Variants in PSD3 observed in about 807,000 individuals in gnomAD.
PSD3 encodes the protein pleckstrin and Sec7 domain containing 3.
A neutral mutation model predicts 105.5 loss-of-function variants in PSD3; 49 were observed. The ratio of observed to expected loss-of-function variants is 0.46; its 90% CI spans 0.37 to 0.59. The LOEUF is 0.59. Ranked by LOEUF, PSD3 falls within the 20% of genes least tolerant of loss-of-function variation. The pLI, the probability that PSD3 is intolerant of heterozygous loss-of-function variation, is 0.00. For synonymous variants in PSD3, 557 were observed against 457.8 expected (o/e 1.22, Z -2.77); for missense variants, 1,561 against 1,263.8 (o/e 1.24, Z -3.57).
intron 8 of PSD3, among the ~76,000 whole-genome samples, chr8:18,793,375 A>AG (rs1314226570): frequency 6.6e-6 from 1 of 151,022 alleles, no homozygotes; most frequent in Non-Finnish European, 1.5e-5. Flanking sequence ...CAAAATAGAA[A>AG]AAAAAAACAA....
intron 1 of PSD3, among the ~76,000 whole-genome samples, chr8:18,965,865 TA>T (rs376933250): frequency 1.9e-4 from 29 of 152,346 alleles, no homozygotes; most frequent in African/African-American, 6.5e-4. Flanking sequence ...AACAGCAGCG[TA>T]AATGCCAGGC....
At chr8:18,902,723 G>C (rs1237105236) in intron 2 of PSD3, among the ~76,000 whole-genome samples, 3 of 152,196 alleles carry the variant, frequency 2.0e-5, no homozygotes, top group African/African-American at 7.2e-5. Flanking sequence ...TGTGGTAACT[G>C]TTTCCAGACA....
intron 8 of PSD3, among the ~76,000 whole-genome samples, chr8:18,788,924 TGGGGGGC>T (rs1415484089): frequency 1.1e-4 from 16 of 152,148 alleles, no homozygotes; most frequent in African/African-American, 3.6e-4. Context: ...AATGTATGAC[TGGGGGGC>T]AAAGGAGGAC....
intron 1 of PSD3, among the ~76,000 whole-genome samples, chr8:19,023,482 G>T (rs1176230320): frequency 6.6e-6 from 1 of 151,446 alleles, no homozygotes; most frequent in Non-Finnish European, 1.5e-5. Context: ...AGGCTGTAGG[G>T]CTGTGGTGCA....
At chr8:18,710,179 C>T (rs1339761485) in intron 9 of PSD3, among the ~76,000 whole-genome samples, 1 of 152,078 alleles carries the variant, frequency 6.6e-6, no homozygotes, top group African/African-American at 2.4e-5. Context: ...ACACACAACA[C>T]GAGAACTTCA....
intron 1 of PSD3, among the ~76,000 whole-genome samples, chr8:18,939,558 G>A (rs1822387763): frequency 6.8e-6 from 1 of 148,048 alleles, no homozygotes; most frequent in African/African-American, 2.5e-5. Flanking sequence ...ATGTTGCTCT[G>A]ACTGGACTCA....
At chr8:19,022,302 A>T (rs1398124875) in intron 1 of PSD3, among the ~76,000 whole-genome samples, 1 of 152,194 alleles carries the variant, frequency 6.6e-6, no homozygotes, top group East Asian at 1.9e-4. Context: ...AAACCATATT[A>T]AGTGGGGTCC....
Position 18,535,692 on chromosome 8 carries a change from G to C in PSD3, c.*51C>G, listed in dbSNP as rs777375330. On this transcript the variant is annotated 3_prime_UTR_variant, in exon 16 of 16. Transcript: ENST00000327040. ...ATTCACGGATTACCAGAAAGATCTT[G>C]AAAAACCCTATTTTGCTCCATGACC... 12 of 1,429,824 alleles carry C rather than the reference G, an allele frequency of 8.4e-6. No individual in the cohort carries two copies. Among genetic ancestry groups the C allele is most frequent in the Non-Finnish European group, 1.1e-5 (11 of 1,016,320 alleles). The allele number at this position is 1,429,824 out of a possible 1,614,324, so 88.6% of individuals were successfully genotyped here.
intron 4 of PSD3, among the ~76,000 whole-genome samples, chr8:18,846,049 A>G (rs1213573663): frequency 6.6e-6 from 1 of 152,212 alleles, no homozygotes; most frequent in Non-Finnish European, 1.5e-5. Context: ...GATGGGATGT[A>G]TATTAAATGC....
At chr8:18,640,618 C>G (rs1227502814) in intron 10 of PSD3, among the ~76,000 whole-genome samples, 1 of 152,200 alleles carries the variant, frequency 6.6e-6, no homozygotes, top group Non-Finnish European at 1.5e-5. Context: ...TTTCCTGAGG[C>G]CTTCCCACCT....
chr8:18,914,320 G>C (rs1397994364), intron 2 of PSD3, among the ~76,000 whole-genome samples: 1 of 152,074 alleles, frequency 6.6e-6, no homozygotes, highest in African/African-American at 2.4e-5. Context: ...AGGCAAGGAT[G>C]CCCACTCTCA....
intron 1 of PSD3, among the ~76,000 whole-genome samples, chr8:19,051,392 G>C (rs934508185): frequency 6.6e-6 from 1 of 151,916 alleles, no homozygotes; most frequent in Non-Finnish European, 1.5e-5. Context: ...ATACTTATTC[G>C]TGTTATCAAA....
rs554363599 is a variant in PSD3 at position 18,893,277 on chromosome 8, G to C, written c.131-20544C>G. Among the ~76,000 whole-genome samples, 260 of 152,210 alleles carry C rather than the reference G, an allele frequency of 1.7e-3. 1 individual carries two copies. Among genetic ancestry groups the C allele is most frequent in the African/African-American group, 5.7e-3 (238 of 41,514 alleles). On this transcript the variant is annotated intron_variant, in intron 2 of 15. Coordinates refer to ENST00000327040, the MANE Select transcript of PSD3 (RefSeq NM_015310.4). ...GGATGGGCTTAAGGGGCTGACCTGAGGGGGTTTATATAATATACCTCCAAA... is the reference window on the plus strand; with the variant it reads ...GGATGGGCTTAAGGGGCTGACCTGACGGGGTTTATATAATATACCTCCAAA...
intron 11 of PSD3, among the ~76,000 whole-genome samples, chr8:18,603,162 C>T (rs1585358306): frequency 6.6e-6 from 1 of 152,202 alleles, no homozygotes; most frequent in African/African-American, 2.4e-5. Flanking sequence ...CCCATCTTTT[C>T]ACTGCAGTTT....
intron 14 of PSD3, among the ~76,000 whole-genome samples, chr8:18,571,124 G>T (rs7832186): frequency 0.48 from 72,709 of 151,818 alleles, 18,828 homozygotes; most frequent in Non-Finnish European, 0.59. Flanking sequence ...GCTTCCAAAA[G>T]TGCTGGGATT....
chr8:18,923,659 C>A (rs1389532248), intron 2 of PSD3, among the ~76,000 whole-genome samples: 1 of 152,168 alleles, frequency 6.6e-6, no homozygotes, highest in African/African-American at 2.4e-5. Flanking sequence ...CCTAGGTGTG[C>A]AGTAGGTATA....
intron 9 of PSD3, among the ~76,000 whole-genome samples, chr8:18,695,284 AC>A (rs5889818): frequency 0.9 from 136,325 of 152,162 alleles, 61,631 homozygotes; most frequent in Middle Eastern, 0.96. Flanking sequence ...AACTGCAGAC[AC>A]AACAGTCATT....
Position 18,762,483 on chromosome 8 carries a change from C to T in PSD3, c.2172+2966G>A, listed in dbSNP as rs1445246500. 4.6e-5 allele frequency among the ~76,000 whole-genome samples: 7 copies of T among 152,204 alleles called. No homozygotes were observed. The East Asian group carries it at 1.3e-3, about 29-fold the overall frequency. Reference sequence around the variant, plus strand: ...GCAGCAGTGGGAGAATGGACTAATACACCATCTCAAACATCACCTCCTCCC... The same window carrying T: ...GCAGCAGTGGGAGAATGGACTAATATACCATCTCAAACATCACCTCCTCCC... On this transcript the variant is annotated intron_variant, in intron 9 of 15. Transcript: ENST00000327040.
rs1804723803 is a variant in PSD3, at chr8:18,743,274, A to G, written c.2172+22175T>C. 3.3e-5 allele frequency among the ~76,000 whole-genome samples: 5 copies of G among 152,280 alleles called. No individual in the cohort carries two copies. The South Asian group carries it at 1.0e-3, about 32-fold the overall frequency. Reference sequence around the variant, plus strand: ...CCCCAAATATTCCAATGGGGCCAACATACTCCTACAGCTTCTTTTCATAGA... The same window carrying G: ...CCCCAAATATTCCAATGGGGCCAACGTACTCCTACAGCTTCTTTTCATAGA... On this transcript the variant is annotated intron_variant, in intron 9 of 15. Coordinates refer to ENST00000327040, the MANE Select transcript of PSD3 (RefSeq NM_015310.4).
Sources: allele counts gnomAD v4.1 joint callset (sites outside exome capture counted in the v4.1 genomes callset), GRCh38; gene constraint gnomAD v4.1.1; transcripts MANE v1.5; gene names NCBI Gene and HGNC (gene_info 2026-07-23, HGNC 2026-07-21).